Variants in HSDL2 observed in about 807,000 individuals in gnomAD.
HSDL2 encodes hydroxysteroid dehydrogenase-like protein 2.
In HSDL2, 27 loss-of-function variants were observed where a neutral mutation model predicts 46.3. That is an observed-to-expected ratio of 0.58 (90% CI 0.43 to 0.80). HSDL2 has a LOEUF of 0.80. HSDL2 is among the 30% of genes least tolerant of loss of function. The pLI is 0.00. For missense variants in HSDL2, 451 were observed against 502.7 expected (o/e 0.90, Z 0.98); for synonymous variants, 153 against 163.6 (o/e 0.94, Z 0.50).
chr9:112,385,025 A>G (rs1287166243), intron 1 of HSDL2, among the ~76,000 whole-genome samples: 1 of 152,108 alleles, frequency 6.6e-6, no homozygotes, highest in African/African-American at 2.4e-5. Flanking sequence ...TCTGGAGTTC[A>G]TTTCTGCAGG....
chr9:112,459,645 T>C, intron 10 of HSDL2, 68 bp downstream of exon 10: 1 of 1,355,780 alleles, frequency 7.4e-7, no homozygotes, highest in Non-Finnish European at 1.0e-6. Flanking sequence ...TTTTGCTTTA[T>C]CCCTTCCCAA....
chr9:112,424,971 G>A (rs978565821), intron 6 of HSDL2, among the ~76,000 whole-genome samples: 2 of 151,970 alleles, frequency 1.3e-5, no homozygotes, highest in East Asian at 3.8e-4. Context: ...ATCACAAAAA[G>A]TGACAACTGT....
intron 8 of HSDL2, among the ~76,000 whole-genome samples, chr9:112,443,277 C>T (rs979237222): frequency 6.6e-6 from 1 of 152,180 alleles, no homozygotes; most frequent in Non-Finnish European, 1.5e-5. Context: ...GTTTATTCAA[C>T]AAATATTTAC....
chr9:112,380,865 C>G (rs1012191093), intron 1 of HSDL2, among the ~76,000 whole-genome samples: 1 of 152,162 alleles, frequency 6.6e-6, no homozygotes, highest in African/African-American at 2.4e-5. Context: ...TTGGCAACCA[C>G]CATTCTACTT....
At chr9:112,440,777 G>A (rs1832622330) in intron 7 of HSDL2, among the ~76,000 whole-genome samples, 1 of 152,188 alleles carries the variant, frequency 6.6e-6, no homozygotes, top group Non-Finnish European at 1.5e-5. Flanking sequence ...GGGAGGCTGA[G>A]GTGGGTGGAT....
intron 8 of HSDL2, among the ~76,000 whole-genome samples, chr9:112,442,056 G>C (rs182579374): frequency 6.6e-6 from 1 of 151,706 alleles, no homozygotes; most frequent in Admixed American, 6.6e-5. Context: ...GAGTCCAGGA[G>C]TTTGCGACGA....
At chr9:112,410,719 G>A (rs1831843148) in intron 4 of HSDL2, among the ~76,000 whole-genome samples, 1 of 152,186 alleles carries the variant, frequency 6.6e-6, no homozygotes, top group Non-Finnish European at 1.5e-5. Context: ...TTGAGCCCAG[G>A]AGTTCGAAAC....
intron 6 of HSDL2, among the ~76,000 whole-genome samples, chr9:112,430,840 G>C (rs538015707): frequency 2.6e-5 from 4 of 152,102 alleles, no homozygotes; most frequent in African/African-American, 9.6e-5. Flanking sequence ...ATCACCTGAG[G>C]TCAAGAGTTC....
At chr9:112,387,133 T>A (rs1242325885) in intron 1 of HSDL2, among the ~76,000 whole-genome samples, 2 of 152,180 alleles carry the variant, frequency 1.3e-5, no homozygotes, top group Admixed American at 1.3e-4. Context: ...ATAATGACAT[T>A]GGTATTTTAA....
rs563533002 is a variant in HSDL2, at chr9:112,380,186, G to T, written c.17+6G>T. 4.3e-5 allele frequency: 67 copies of T among 1,569,626 alleles called. No homozygotes were observed. In the Middle Eastern group the frequency reaches 5.0e-4, roughly 12 times the overall value. On this transcript the variant is annotated splice_donor_region_variant and intron_variant, in intron 1 of 10. Transcript: ENST00000398805. ...GTCATGTTACCCAACACCGGGTAAG[G>T]GGGTAGGGGCGGCGCGGGGAGAGAC...
chr9:112,381,459 T>A (rs1281080692), intron 1 of HSDL2, among the ~76,000 whole-genome samples: 1 of 152,156 alleles, frequency 6.6e-6, no homozygotes, highest in Non-Finnish European at 1.5e-5. Flanking sequence ...CCTCCCGCAA[T>A]TCTCCTGCCT....
chr9:112,449,080 G>GTTTTTTTTT (rs59586435), intron 8 of HSDL2, among the ~76,000 whole-genome samples: 1 of 118,952 alleles, frequency 8.4e-6, no homozygotes, highest in Admixed American at 9.0e-5. Context: ...TCTTTCCTCT[G>GTTTTTTTTT]TTTTTTTTTT....
rs1164914687 is a variant in HSDL2 at position 112,468,687 on chromosome 9, G to GT, written c.1145-1744dup. On this transcript the variant is annotated intron_variant, in intron 10 of 10. Transcript: ENST00000398805. The stretch of plus-strand genomic sequence containing the variant: ...TGCATCCTGTTCCCCATCCCTTGCT[G>GT]TATTATTTTCTTTTATCTCTGAGGG... Among the ~76,000 whole-genome samples, 7 of 151,868 alleles carry GT rather than the reference G, an allele frequency of 4.6e-5. No homozygotes were observed. In the South Asian group the frequency reaches 1.2e-3, roughly 27 times the overall value.
At chr9:112,437,307 A>T (rs1424255588) in intron 6 of HSDL2, among the ~76,000 whole-genome samples, 1 of 151,832 alleles carries the variant, frequency 6.6e-6, no homozygotes, top group African/African-American at 2.4e-5. Context: ...TTTAAAAAGG[A>T]CCCCCAGAAA....
chr9:112,431,686 C>A (rs1832407101), intron 6 of HSDL2, among the ~76,000 whole-genome samples: 1 of 152,018 alleles, frequency 6.6e-6, no homozygotes, highest in Non-Finnish European at 1.5e-5. Flanking sequence ...TGTAGCACAC[C>A]ACCTGGCTCT....
intron 1 of HSDL2, among the ~76,000 whole-genome samples, chr9:112,389,545 C>T (rs1476569368): frequency 6.6e-6 from 1 of 151,714 alleles, no homozygotes; most frequent in Non-Finnish European, 1.5e-5. Context: ...CAATGGAGTA[C>T]CTAGGAATAA....
chr9:112,463,636 C>T (rs1317235033), intron 10 of HSDL2, among the ~76,000 whole-genome samples: 16 of 151,988 alleles, frequency 1.1e-4, no homozygotes, highest in Admixed American at 9.8e-4. Context: ...TTCTAGTGGG[C>T]ATGTAGTGGT....
intron 3 of HSDL2, among the ~76,000 whole-genome samples, chr9:112,406,512 C>A (rs1039573322): frequency 6.6e-6 from 1 of 151,866 alleles, no homozygotes; most frequent in Non-Finnish European, 1.5e-5. Flanking sequence ...CTCTTGTCAC[C>A]CAGGCTGGAG....
At chr9:112,430,932 G>T (rs1430151872) in intron 6 of HSDL2, among the ~76,000 whole-genome samples, 1 of 151,382 alleles carries the variant, frequency 6.6e-6, no homozygotes, top group African/African-American at 2.4e-5. Context: ...CGTGCCTGTA[G>T]TCCCATCCAC....
Sources: allele counts gnomAD v4.1 joint callset (sites outside exome capture counted in the v4.1 genomes callset), GRCh38; gene constraint gnomAD v4.1.1; transcripts MANE v1.5; gene names NCBI Gene and HGNC (gene_info 2026-07-23, HGNC 2026-07-21).